The following THSD7B variants were observed in gnomAD, a reference collection of about 807,000 sequenced individuals.
The protein encoded by THSD7B is thrombospondin type-1 domain-containing protein 7B.
THSD7B carries 138 observed loss-of-function variants against 213.6 expected under a neutral mutation model. The observed-to-expected ratio is 0.65, with a 90% CI of 0.56 to 0.74. The LOEUF (loss-of-function observed/expected upper bound fraction) is 0.74, where lower values mean the gene tolerates loss of function less well. Among genes scored for constraint, THSD7B ranks in the 30% least tolerant of loss-of-function variants. The pLI is 0.00. For synonymous variants in THSD7B, 742 were observed against 687.0 expected (o/e 1.08, Z -1.25); for missense variants, 1,931 against 1,991.5 (o/e 0.97, Z 0.58).
rs1371530908 is a variant in THSD7B, at chr2:137,339,894, CA to C, written c.2500+63869del. Among the ~76,000 whole-genome samples the C allele has an allele frequency of 2.7e-5, 4 of 148,090 alleles. No individual in the cohort carries two copies. In the East Asian group the frequency reaches 8.0e-4, roughly 30 times the overall value. On this transcript the variant is annotated intron_variant, in intron 12 of 27. Coordinates refer to ENST00000409968, the MANE Select transcript of THSD7B (RefSeq NM_001316349.2). Reference sequence around the variant, plus strand: ...GAATGGCCTTTTTTTTTTTTTAAATCAGACCAACCTGTATTTAATCCAGCTT... The same window carrying C: ...GAATGGCCTTTTTTTTTTTTTAAATCGACCAACCTGTATTTAATCCAGCTT...
At chr2:137,375,326 A>G (rs1020437491) in intron 12 of THSD7B, among the ~76,000 whole-genome samples, 10 of 152,200 alleles carry the variant, frequency 6.6e-5, no homozygotes, top group African/African-American at 2.2e-4. Context: ...GTATTGAAAT[A>G]TACATCACTT....
At chr2:137,468,435 G>T (rs1470567709) in intron 15 of THSD7B, among the ~76,000 whole-genome samples, 3 of 151,802 alleles carry the variant, frequency 2.0e-5, no homozygotes, top group African/African-American at 7.3e-5. Flanking sequence ...CTACTGTTTT[G>T]CATGTGTCTC....
rs71400559 is a variant in THSD7B, at chr2:136,962,403, C to CTTTTTTTTTTT, written c.139+80101_139+80111dup. 5.4e-4 allele frequency among the ~76,000 whole-genome samples: 54 copies of CTTTTTTTTTTT among 100,130 alleles called. 1 individual carries two copies. Among genetic ancestry groups the CTTTTTTTTTTT allele is most frequent in the Non-Finnish European group, 7.6e-4 (41 of 53,808 alleles). The allele number at this position is 100,130 out of a possible 152,430, so 65.7% of individuals were successfully genotyped here. Reference sequence around the variant, plus strand: ...AACACACTATACATAAATCTGTTATCTTTTTTTTTTTTTTTTTTTTTTTTT... The same window carrying CTTTTTTTTTTT: ...AACACACTATACATAAATCTGTTATCTTTTTTTTTTTTTTTTTTTTTTTTTTTTTTTTTTTT... On this transcript the variant is annotated intron_variant, in intron 2 of 27. Transcript: ENST00000409968.
chr2:137,306,049 G>T (rs80106404), intron 12 of THSD7B, among the ~76,000 whole-genome samples: 8,321 of 152,188 alleles, frequency 0.055, 325 homozygotes, highest in East Asian at 0.1. Context: ...AATGGAATTT[G>T]CAGGACTGGA....
chr2:137,034,706 G>A (rs922524850), intron 2 of THSD7B, among the ~76,000 whole-genome samples: 3 of 151,996 alleles, frequency 2.0e-5, no homozygotes, highest in African/African-American at 7.2e-5. Context: ...CTGTTCCTGT[G>A]TTCAGTGTTA....
At chr2:136,832,218 T>C (rs1191874836) in intron 1 of THSD7B, among the ~76,000 whole-genome samples, 1 of 148,946 alleles carries the variant, frequency 6.7e-6, no homozygotes, top group Admixed American at 6.7e-5. Flanking sequence ...CACACACATA[T>C]ATACAATTGT....
At chr2:136,887,300 T>TTTTGTGTG (rs1553455577) in intron 2 of THSD7B, among the ~76,000 whole-genome samples, 1 of 148,464 alleles carries the variant, frequency 6.7e-6, no homozygotes, top group Admixed American at 6.7e-5. Flanking sequence ...TCCATATTTG[T>TTTTGTGTG]TGTGTGTGTG....
intron 17 of THSD7B, among the ~76,000 whole-genome samples, chr2:137,594,023 T>G (rs991474055): frequency 6.6e-6 from 1 of 151,982 alleles, no homozygotes; most frequent in Non-Finnish European, 1.5e-5. Flanking sequence ...AGTGATTTAT[T>G]AAGGAAGTGT....
intron 3 of THSD7B, among the ~76,000 whole-genome samples, chr2:137,075,976 T>C (rs761998086): frequency 2.1e-4 from 32 of 152,162 alleles, no homozygotes; most frequent in Non-Finnish European, 4.3e-4. Flanking sequence ...CCCGGCCGTG[T>C]AAGGTGTCTG....
chr2:137,382,621 C>T (rs984479528), intron 12 of THSD7B, among the ~76,000 whole-genome samples: 10 of 152,330 alleles, frequency 6.6e-5, no homozygotes, highest in East Asian at 3.9e-4. Context: ...ATGACTTACC[C>T]GATAGTGGGA....
chr2:137,660,669 AACATATGACTG>A (rs1683324810), intron 25 of THSD7B, among the ~76,000 whole-genome samples: 1 of 152,232 alleles, frequency 6.6e-6, no homozygotes, highest in Non-Finnish European at 1.5e-5. Context: ...TGAACTCTTG[AACATATGACTG>A]ACTGGTTACA....
At chr2:136,902,359 G>A (rs943284596) in intron 2 of THSD7B, among the ~76,000 whole-genome samples, 9 of 152,192 alleles carry the variant, frequency 5.9e-5, no homozygotes, top group South Asian at 4.1e-4. Context: ...TGTTTGGATC[G>A]TTATGAAACA....
Position 137,309,465 on chromosome 2 carries a change from T to C in THSD7B, c.2500+33439T>C, listed in dbSNP as rs530482118. 4.2e-3 allele frequency among the ~76,000 whole-genome samples: 633 copies of C among 151,324 alleles called. 4 individuals are homozygous for C. The highest frequency in any genetic ancestry group is 7.2e-3 in the Non-Finnish European group (486 of 67,850). On this transcript the variant is annotated intron_variant, in intron 12 of 27. Transcript: ENST00000409968. ...GAACTTATTTGTTTTTTAAAAATTATTGGACAAAGTTCAGAGTTTTATATA... is the reference window on the plus strand; with the variant it reads ...GAACTTATTTGTTTTTTAAAAATTACTGGACAAAGTTCAGAGTTTTATATA...
intron 15 of THSD7B, among the ~76,000 whole-genome samples, chr2:137,501,965 G>A (rs1679717455): frequency 3.3e-5 from 5 of 152,186 alleles, no homozygotes; most frequent in Admixed American, 3.3e-4. Context: ...AACAGGAAAG[G>A]ATTAAATGGG....
chr2:137,610,464 C>T (rs1409713848), intron 17 of THSD7B, among the ~76,000 whole-genome samples: 6 of 152,112 alleles, frequency 3.9e-5, no homozygotes, highest in Admixed American at 1.3e-4. Flanking sequence ...TGCTGGAGTA[C>T]CCCCTTCGGT....
At chr2:137,301,108 G>C (rs1297889227) in intron 12 of THSD7B, among the ~76,000 whole-genome samples, 1 of 152,034 alleles carries the variant, frequency 6.6e-6, no homozygotes, top group Non-Finnish European at 1.5e-5. Flanking sequence ...GCCTCCCACT[G>C]GCTCTTTAAA....
chr2:137,303,175 C>T (rs532037675), intron 12 of THSD7B, among the ~76,000 whole-genome samples: 2 of 152,238 alleles, frequency 1.3e-5, no homozygotes, highest in African/African-American at 2.4e-5. Flanking sequence ...TGCCCACTGC[C>T]GCACATGGCT....
chr2:137,558,450 C>A (rs1681033594), intron 15 of THSD7B, among the ~76,000 whole-genome samples: 1 of 152,100 alleles, frequency 6.6e-6, no homozygotes. Context: ...TAAACAGAAC[C>A]AAAGGCAAAA....
chr2:136,843,503 AGAAG>A (rs751951014), intron 1 of THSD7B, among the ~76,000 whole-genome samples: 13 of 152,202 alleles, frequency 8.5e-5, no homozygotes, highest in Non-Finnish European at 1.0e-4. Context: ...ACCATTCAAG[AGAAG>A]AGTACAGGAA....
Sources: allele counts gnomAD v4.1 joint callset (sites outside exome capture counted in the v4.1 genomes callset), GRCh38; gene constraint gnomAD v4.1.1; transcripts MANE v1.5; gene names NCBI Gene and HGNC (gene_info 2026-07-23, HGNC 2026-07-21).